The following HEMK2 variants were observed in gnomAD, a reference collection of about 807,000 sequenced individuals.
The protein encoded by HEMK2 is methyltransferase HEMK2.
the HEMK2 span, among the ~76,000 whole-genome samples, chr21:28,869,520 T>C: frequency 5.3e-5 from 8 of 152,244 alleles, no homozygotes; most frequent in Admixed American, 2.0e-4. Flanking sequence ...TTCTTGGGCA[T>C]ACAGTTCAAC....
the HEMK2 span, among the ~76,000 whole-genome samples, chr21:28,830,108 C>G: frequency 4.1e-3 from 631 of 152,224 alleles, 2 homozygotes; most frequent in Middle Eastern, 0.014. Flanking sequence ...AATTAGATAA[C>G]AATTATGTTA....
At chr21:28,714,559 T>C in the HEMK2 span, among the ~76,000 whole-genome samples, 1 of 152,158 alleles carries the variant, frequency 6.6e-6, no homozygotes, top group East Asian at 1.9e-4. Context: ...GGAACAAACA[T>C]GGTTAAAGAA....
At chr21:28,577,274 C>T in the HEMK2 span, 1 of 152,214 alleles carries the variant, frequency 6.6e-6, no homozygotes, top group Admixed American at 6.5e-5. Flanking sequence ...CACTCACTTA[C>T]TCCACAACAT....
the HEMK2 span, among the ~76,000 whole-genome samples, chr21:28,637,745 C>T: frequency 6.6e-6 from 1 of 151,964 alleles, no homozygotes; most frequent in Non-Finnish European, 1.5e-5. Context: ...ATTCTGAGTT[C>T]AGAATTATGA....
At chr21:28,680,711 G>C in the HEMK2 span, among the ~76,000 whole-genome samples, 5 of 152,164 alleles carry the variant, frequency 3.3e-5, no homozygotes, top group South Asian at 2.1e-4. Context: ...CCATGATCAA[G>C]AGGGCTTCAT....
At chr21:28,674,438 C>T in the HEMK2 span, among the ~76,000 whole-genome samples, 1 of 152,112 alleles carries the variant, frequency 6.6e-6, no homozygotes, top group African/African-American at 2.4e-5. Context: ...TGGATCTGGA[C>T]CCCCTTCTGG....
chr21:28,593,157 A>G, the HEMK2 span, among the ~76,000 whole-genome samples: 2 of 152,292 alleles, frequency 1.3e-5, no homozygotes, highest in African/African-American at 4.8e-5. Flanking sequence ...GATTTGTGCC[A>G]TTGCACTCCA....
chr21:28,831,745 AAGAAAGAAAGAAAGAAAGAAAGAAAG>A, the HEMK2 span, among the ~76,000 whole-genome samples: 4 of 148,042 alleles, frequency 2.7e-5, no homozygotes, highest in African/African-American at 7.6e-5. Flanking sequence ...GAAAGAAAGA[AAGAAAGAAAGAAAGAAAGAAAGAAAG>A]AAACAGTATC....
the HEMK2 span, among the ~76,000 whole-genome samples, chr21:28,653,974 C>T: frequency 6.6e-6 from 1 of 152,160 alleles, no homozygotes; most frequent in African/African-American, 2.4e-5. Flanking sequence ...AAAACAACTT[C>T]AAACGCTAAC....
the HEMK2 span, among the ~76,000 whole-genome samples, chr21:28,865,589 A>G: frequency 2.0e-5 from 3 of 152,292 alleles, no homozygotes; most frequent in Non-Finnish European, 4.4e-5. Flanking sequence ...TTCCTGCTCT[A>G]TCCTAGACTC....
At chr21:28,865,780 A>G in the HEMK2 span, among the ~76,000 whole-genome samples, 1 of 145,880 alleles carries the variant, frequency 6.9e-6, no homozygotes, top group East Asian at 2.0e-4. Context: ...TCTAGACTCA[A>G]TTTAGCCATT....
the HEMK2 span, among the ~76,000 whole-genome samples, chr21:28,611,353 T>A: frequency 6.6e-6 from 1 of 152,180 alleles, no homozygotes; most frequent in East Asian, 1.9e-4. Flanking sequence ...TTGAACTGAA[T>A]GATAGTAGTG....
chr21:28,806,374 A>T, the HEMK2 span, among the ~76,000 whole-genome samples: 2 of 152,210 alleles, frequency 1.3e-5, no homozygotes, highest in Admixed American at 6.5e-5. Flanking sequence ...ATATTCTTTT[A>T]ACTCAGTAAA....
chr21:28,864,366 C>T, the HEMK2 span, among the ~76,000 whole-genome samples: 1 of 152,172 alleles, frequency 6.6e-6, no homozygotes, highest in Non-Finnish European at 1.5e-5. Context: ...AAATATTAGA[C>T]ACTTTAAAAA....
chr21:28,753,315 C>CTTAT, the HEMK2 span, among the ~76,000 whole-genome samples: 2 of 150,490 alleles, frequency 1.3e-5, no homozygotes, highest in Admixed American at 6.6e-5. Context: ...TGAGATTGCA[C>CTTAT]CACTGCACTC....
chr21:28,841,071 TTATATATTATATATTA>T, the HEMK2 span, among the ~76,000 whole-genome samples: 1 of 37,914 alleles, frequency 2.6e-5, no homozygotes, highest in Non-Finnish European at 3.8e-5. Context: ...TAAATAAATA[TTATATATTATATATTA>T]TATATATTAT....
chr21:28,755,497 T>C, the HEMK2 span, among the ~76,000 whole-genome samples: 8 of 152,202 alleles, frequency 5.3e-5, no homozygotes, highest in African/African-American at 1.9e-4. Flanking sequence ...GTTTCTACCA[T>C]AGAGTTTGTG....
the HEMK2 span, among the ~76,000 whole-genome samples, chr21:28,661,375 CTTTA>C: frequency 6.6e-6 from 1 of 152,054 alleles, no homozygotes; most frequent in Non-Finnish European, 1.5e-5. Flanking sequence ...TTTATAACTA[CTTTA>C]TTTATGCAAT....
At chr21:28,760,483 G>A in the HEMK2 span, among the ~76,000 whole-genome samples, 1 of 152,234 alleles carries the variant, frequency 6.6e-6, no homozygotes, top group Non-Finnish European at 1.5e-5. Flanking sequence ...CAGGTACCAA[G>A]GACATTAACA....
Sources: allele counts gnomAD v4.1 joint callset (sites outside exome capture counted in the v4.1 genomes callset), GRCh38; gene constraint gnomAD v4.1.1; transcripts MANE v1.5; gene names NCBI Gene and HGNC (gene_info 2026-07-23, HGNC 2026-07-21).